The following COTL1 variants were observed in gnomAD, a reference collection of about 807,000 sequenced individuals.
COTL1 encodes coactosin like F-actin binding protein 1.
In COTL1, 15 loss-of-function variants were observed where a neutral mutation model predicts 16.5. That is an observed-to-expected ratio of 0.91 (90% CI 0.61 to 1.40). The LOEUF is 1.40. Among genes scored for constraint, COTL1 ranks in the 40% most tolerant of loss-of-function variants. The pLI, the probability that COTL1 is intolerant of heterozygous loss-of-function variation, is 0.00. For synonymous variants in COTL1, 112 were observed against 85.3 expected, an observed-to-expected ratio of 1.31 and a Z score of -1.73; for missense variants, 220 against 201.5, an observed-to-expected ratio of 1.09 and a Z score of -0.56.
In COTL1 at chr16:84,566,501, G is replaced by A. The variant is rs1201952411; in HGVS notation, c.*344C>T. 3.4e-5 allele frequency: 7 copies of A among 205,670 alleles called. No homozygotes were observed. Among genetic ancestry groups the A allele is most frequent in the East Asian group, 1.3e-4 (1 of 7,716 alleles). The allele number at this position is 205,670 out of a possible 1,614,324, so 12.7% of individuals were successfully genotyped here. ...GATCTCACTAGGCAGACCTCGTCGCGTGGAAGAGAAATGCCAGGAAAAGGG... is the reference window on the plus strand; with the variant it reads ...GATCTCACTAGGCAGACCTCGTCGCATGGAAGAGAAATGCCAGGAAAAGGG... On this transcript the variant is annotated 3_prime_UTR_variant, in exon 4 of 4. Transcript: ENST00000262428.
intron 2 of COTL1, among the ~76,000 whole-genome samples, chr16:84,612,515 G>T (rs549119248): frequency 6.6e-6 from 1 of 152,200 alleles, no homozygotes; most frequent in East Asian, 1.9e-4. Flanking sequence ...GGGCGCGGTG[G>T]CTCACGCCTG....
chr16:84,593,412 G>T (rs1410040423), intron 2 of COTL1, among the ~76,000 whole-genome samples: 1 of 152,236 alleles, frequency 6.6e-6, no homozygotes, highest in Non-Finnish European at 1.5e-5. Context: ...CCCGGGGACT[G>T]TGCCTGAATT....
chr16:84,598,875 G>A (rs1372777844), intron 2 of COTL1, among the ~76,000 whole-genome samples: 2 of 151,626 alleles, frequency 1.3e-5, no homozygotes, highest in South Asian at 2.1e-4. Flanking sequence ...TGATCAGGCT[G>A]GAGCTGCTGG....
intron 3 of COTL1, among the ~76,000 whole-genome samples, chr16:84,583,835 C>T (rs1412167501): frequency 6.6e-6 from 1 of 152,128 alleles, no homozygotes; most frequent in Non-Finnish European, 1.5e-5. Context: ...TCCATCCTTC[C>T]CACCTCCACT....
intron 2 of COTL1, among the ~76,000 whole-genome samples, chr16:84,605,130 G>A (rs929284078): frequency 2.7e-5 from 4 of 150,042 alleles, no homozygotes; most frequent in African/African-American, 5.1e-5. Flanking sequence ...CACTTCCCAC[G>A]GCCCCCCATG....
At chr16:84,594,353 G>C (rs1037470320) in intron 2 of COTL1, 1 of 152,386 alleles carries the variant, frequency 6.6e-6, no homozygotes, top group African/African-American at 2.4e-5. Flanking sequence ...CACAGGAAAC[G>C]AGACTGGTGC....
intron 3 of COTL1, among the ~76,000 whole-genome samples, chr16:84,575,064 T>C (rs574456230): frequency 1.3e-5 from 2 of 152,046 alleles, no homozygotes; most frequent in African/African-American, 4.8e-5. Context: ...GAGATGAAGT[T>C]TTTGTTCTTG....
At chr16:84,585,220 G>A (rs374705646) in intron 3 of COTL1, among the ~76,000 whole-genome samples, 5 of 152,020 alleles carry the variant, frequency 3.3e-5, no homozygotes, top group African/African-American at 9.7e-5. Context: ...TGGGTGTGGT[G>A]ACACACACCT....
At chr16:84,573,836 G>A (rs1357324976) in intron 3 of COTL1, among the ~76,000 whole-genome samples, 1 of 151,584 alleles carries the variant, frequency 6.6e-6, no homozygotes, top group Non-Finnish European at 1.5e-5. Flanking sequence ...TTTACTCTAT[G>A]TAAATTGTGT....
At chr16:84,595,351 G>T (rs1339100126) in intron 2 of COTL1, 2 of 152,192 alleles carry the variant, frequency 1.3e-5, no homozygotes. Context: ...TAGAGATCTG[G>T]CACGACAGTG....
At chr16:84,578,817 G>A (rs1025594226) in intron 3 of COTL1, among the ~76,000 whole-genome samples, 5 of 149,620 alleles carry the variant, frequency 3.3e-5, no homozygotes, top group South Asian at 2.1e-4. Flanking sequence ...CCACACAAAC[G>A]TATACACACA....
intron 2 of COTL1, among the ~76,000 whole-genome samples, chr16:84,609,689 G>C (rs932103789): frequency 6.6e-6 from 1 of 152,220 alleles, no homozygotes; most frequent in Admixed American, 6.5e-5. Context: ...ACGGGGTGGA[G>C]ATAATTGACT....
In COTL1 at chr16:84,605,287, A is replaced by G. The variant is rs183240638; in HGVS notation, c.160+12214T>C. Reference sequence around the variant, plus strand: ...GGGGCGAGAAGCACACACGCCAGGTAAGAATTGCAGCCTGGCCTGCGTACT... The same window carrying G: ...GGGGCGAGAAGCACACACGCCAGGTGAGAATTGCAGCCTGGCCTGCGTACT... On this transcript the variant is annotated intron_variant, in intron 2 of 3. Coordinates refer to ENST00000262428, the MANE Select transcript of COTL1 (RefSeq NM_021149.5). Among the ~76,000 whole-genome samples the G allele has an allele frequency of 1.8e-3, 275 of 152,326 alleles. 3 individuals carry two copies. In the South Asian group the frequency reaches 0.018, roughly 10 times the overall value.
intron 2 of COTL1, among the ~76,000 whole-genome samples, chr16:84,615,267 G>T (rs1905442470): frequency 6.6e-6 from 1 of 152,250 alleles, no homozygotes; most frequent in Non-Finnish European, 1.5e-5. Context: ...TCCACACACA[G>T]CAGGGAAGCA....
At chr16:84,615,295 A>C (rs1905443655) in intron 2 of COTL1, among the ~76,000 whole-genome samples, 1 of 152,238 alleles carries the variant, frequency 6.6e-6, no homozygotes, top group African/African-American at 2.4e-5. Context: ...CTTCCTCGCC[A>C]GACACGCGCC....
At chr16:84,606,698 G>A (rs1330942831) in intron 2 of COTL1, among the ~76,000 whole-genome samples, 1 of 152,210 alleles carries the variant, frequency 6.6e-6, no homozygotes, top group African/African-American at 2.4e-5. Context: ...GGCACAGCCT[G>A]GAGTGCAGAA....
At position 84,566,719 on chromosome 16, in the gene COTL1, G is replaced by T. The variant is rs545577865; in HGVS notation, c.*126C>A. ...TGGGGGCTGTGGACACAGGGTGGCGGGCGCTGCCTCTCATGGCTTCTTTTC... is the reference window on the plus strand; with the variant it reads ...TGGGGGCTGTGGACACAGGGTGGCGTGCGCTGCCTCTCATGGCTTCTTTTC... On this transcript the variant is annotated 3_prime_UTR_variant, in exon 4 of 4. Transcript: ENST00000262428. 3.5e-5 allele frequency: 22 copies of T among 636,522 alleles called. No homozygotes were observed. In the African/African-American group the frequency reaches 3.8e-4, roughly 11 times the overall value. The allele number at this position is 636,522 out of a possible 1,614,324, so 39.4% of individuals were successfully genotyped here. A position where few individuals can be genotyped will look rare whatever the true frequency, so the allele number is the denominator to read the frequency against.
intron 3 of COTL1, among the ~76,000 whole-genome samples, chr16:84,578,725 G>A (rs2326324): frequency 0.059 from 8,728 of 148,636 alleles, 351 homozygotes; most frequent in African/African-American, 0.11. Flanking sequence ...ACACAGGCAT[G>A]CACACACCCT....
Position 84,566,650 on chromosome 16 carries a change from G to A in COTL1, c.*195C>T, listed in dbSNP as rs1376429822. 3 of 517,010 alleles carry A rather than the reference G, an allele frequency of 5.8e-6. No individual in the cohort carries two copies. Among genetic ancestry groups the A allele is most frequent in the South Asian group, 3.0e-5 (1 of 33,600 alleles). 32.0% of individuals were successfully genotyped at this position (517,010 alleles called of 1,614,324 possible). A position where few individuals can be genotyped will look rare whatever the true frequency, so the allele number is the denominator to read the frequency against. ...GATCAAAGAAAGAGGTTCCATGAGC[G>A]TCATGAGATAGGACACGGCAGGGTT... is the stretch of plus-strand genomic sequence containing the variant. On this transcript the variant is annotated 3_prime_UTR_variant, in exon 4 of 4. Coordinates refer to ENST00000262428, the MANE Select transcript of COTL1 (RefSeq NM_021149.5).
Sources: allele counts gnomAD v4.1 joint callset (sites outside exome capture counted in the v4.1 genomes callset), GRCh38; gene constraint gnomAD v4.1.1; transcripts MANE v1.5; gene names NCBI Gene and HGNC (gene_info 2026-07-23, HGNC 2026-07-21).